MYCBPAP: variants seen among roughly 807,000 people sequenced by gnomAD.
The protein encoded by MYCBPAP is MYCBP-associated protein.
In MYCBPAP, 60 loss-of-function variants were observed where a neutral mutation model predicts 106.1. The ratio of observed to expected loss-of-function variants is 0.57; its 90% CI spans 0.46 to 0.70. The LOEUF (loss-of-function observed/expected upper bound fraction) is 0.70, where lower values mean the gene tolerates loss of function less well. Ranked by LOEUF, MYCBPAP falls within the 30% of genes least tolerant of loss-of-function variation. The pLI is 0.00. For synonymous variants in MYCBPAP, 407 were observed against 440.6 expected, an observed-to-expected ratio of 0.92 and a Z score of 0.95; for missense variants, 1,064 against 1,169.3, an observed-to-expected ratio of 0.91 and a Z score of 1.31.
Position 50,526,077 on chromosome 17 carries a change from C to G in MYCBPAP, c.1979C>G (p.Pro660Arg). Residue 660 changes from proline to arginine, a missense_variant, in exon 14 of 19, where the codon CCT becomes CGT. Pro to Arg is a moderately radical substitution (Grantham distance 103). Transcript: ENST00000323776. The stretch of plus-strand genomic sequence containing the variant: ...ATCTCCGAAACTCAAGTGCCCCGGC[C>G]TGAGAACGAGGCCCTCAGGGAATCC... ...SPISETQVPR[P>R]ENEALRESGS... 2 of 1,613,962 alleles carry G rather than the reference C, an allele frequency of 1.2e-6. No homozygotes were observed. The highest frequency in any genetic ancestry group is 1.7e-6 in the Non-Finnish European group (2 of 1,180,034).
intron 2 of MYCBPAP, among the ~76,000 whole-genome samples, chr17:50,516,998 G>A (rs1207107203): frequency 6.6e-6 from 1 of 152,224 alleles, no homozygotes; most frequent in African/African-American, 2.4e-5. Flanking sequence ...AAGGAGCCAA[G>A]GTACAGCTCT....
In MYCBPAP at chr17:50,526,142, C is replaced by T. The variant is rs9890721; in HGVS notation, c.2044C>T (p.Arg682Trp). The T allele has an allele frequency of 0.53, 859,868 of 1,613,418 alleles. 235,880 individuals are homozygous for T. Among genetic ancestry groups the T allele is most frequent in the East Asian group, 0.85 (38,047 of 44,826 alleles). The stretch of plus-strand genomic sequence containing the variant: ...CAGAGTGGGGACCAAGAGTCCTCAG[C>T]GGAAGAGCATCATGGAGGAGATCCT... ...KARVGTKSPQ[R>W]KSIMEEILVE... The change falls in exon 14 of 19, where the codon CGG (arginine) becomes TGG (tryptophan). Residue 682 changes from arginine (R) to tryptophan (W), a missense_variant. Arg to Trp is a moderately radical substitution (Grantham distance 101). Transcript: ENST00000323776.
chr17:50,523,296 C>G (rs1296304966), intron 11 of MYCBPAP, among the ~76,000 whole-genome samples, 168 bp downstream of exon 11: 1 of 152,156 alleles, frequency 6.6e-6, no homozygotes, highest in Admixed American at 6.5e-5. Context: ...CTACTCATGT[C>G]TGTTGAGAGA....
At chr17:50,508,888 G>C (rs955221365) in intron 1 of MYCBPAP, 138 bp downstream of exon 1, 1 of 839,460 alleles carries the variant, frequency 1.2e-6, no homozygotes, top group East Asian at 2.6e-5. Context: ...GGGGTACTGG[G>C]CATAGGACCC....
chr17:50,521,426 A>G lies in MYCBPAP; in HGVS notation c.1143A>G (p.Ala381=). 1 of 1,585,788 alleles carries G rather than the reference A, an allele frequency of 6.3e-7. No individual in the cohort carries two copies. The highest frequency in any genetic ancestry group is 8.6e-7 in the Non-Finnish European group (1 of 1,163,042). The change falls in exon 9 of 19, where the codon GCA becomes GCG. Residue 381 remains alanine, a synonymous_variant. Transcript: ENST00000323776. ...RSQGSSSEDT[A]YLGTLASSSD... Reference sequence around the variant, plus strand: ...AGGGAAGCTCCTCTGAAGACACAGCATACTTGTGAGTGCAGCCTGAACCCT... The same window carrying G: ...AGGGAAGCTCCTCTGAAGACACAGCGTACTTGTGAGTGCAGCCTGAACCCT...
At chr17:50,518,888 G>C in intron 5 of MYCBPAP, 86 bp from the exon 6 acceptor site, 3 of 1,467,738 alleles carry the variant, frequency 2.0e-6, no homozygotes, top group Non-Finnish European at 2.9e-6. Flanking sequence ...AATCAGCCCT[G>C]TGAGGGAGGC....
intron 4 of MYCBPAP, 36 bp downstream of exon 4, chr17:50,517,734 C>T (rs1233842803): frequency 1.3e-6 from 2 of 1,573,994 alleles, no homozygotes; most frequent in South Asian, 2.2e-5. Flanking sequence ...TGAGAGCAGT[C>T]ACTGAAGTCA....
rs144231508 is a variant in MYCBPAP, at chr17:50,517,345, A to T, written c.257A>T (p.Lys86Ile). Residue 86 changes from lysine to isoleucine, a missense_variant, in exon 3 of 19, where the codon AAA (lysine) becomes ATA (isoleucine). Physicochemically the swap from Lys to Ile is moderately radical, Grantham distance 102. Transcript: ENST00000323776. ...GAAGATAAACGTGTCATCACCCAGAAATTTATCATCCGTAAACTCAAACCC... is the reference window on the plus strand; with the variant it reads ...GAAGATAAACGTGTCATCACCCAGATATTTATCATCCGTAAACTCAAACCC... ...EKEDKRVITQ[K>I]FIIRKLKPMD... 3.0e-5 allele frequency: 48 copies of T among 1,614,010 alleles called. No homozygotes were observed. The African/African-American group carries it at 5.7e-4, about 19-fold the overall frequency.
At chr17:50,510,031 G>C (rs558466197) in intron 1 of MYCBPAP, 3 of 152,298 alleles carry the variant, frequency 2.0e-5, no homozygotes, top group African/African-American at 7.2e-5. Context: ...ACCAGAAGAG[G>C]CTGCACAGGT....
In MYCBPAP at chr17:50,521,508, C is replaced by A. The variant is rs1201252100; in HGVS notation, c.1148+77C>A. On this transcript the variant is annotated intron_variant, in intron 9 of 18. Transcript: ENST00000323776. ...TACCAGTATTAAAGAGCGGGCTTCCCTCCCTGAGATCAGGGTGCCTCTAGC... is the reference window on the plus strand; with the variant it reads ...TACCAGTATTAAAGAGCGGGCTTCCATCCCTGAGATCAGGGTGCCTCTAGC... 3.5e-6 allele frequency: 4 copies of A among 1,139,528 alleles called. No homozygotes were observed. The African/African-American group carries it at 6.2e-5, about 18-fold the overall frequency. 70.6% of individuals were successfully genotyped at this position (1,139,528 alleles called of 1,614,324 possible).
chr17:50,512,392 C>A (rs145148006), intron 1 of MYCBPAP, among the ~76,000 whole-genome samples: 1 of 152,174 alleles, frequency 6.6e-6, no homozygotes, highest in Non-Finnish European at 1.5e-5. Flanking sequence ...CACTCACGTG[C>A]CATGCTCAGC....
At chr17:50,528,407 C>T in intron 16 of MYCBPAP, 137 bp downstream of exon 16, 1 of 838,400 alleles carries the variant, frequency 1.2e-6, no homozygotes, top group South Asian at 1.7e-5. Flanking sequence ...AGGCCCCTTA[C>T]CCCTTTCTGT....
At chr17:50,531,285 C>T (rs1164565901) in intron 18 of MYCBPAP, 42 bp from the exon 19 acceptor site, 3 of 1,415,518 alleles carry the variant, frequency 2.1e-6, no homozygotes, top group East Asian at 4.7e-5. Flanking sequence ...AGGTGCTTCC[C>T]ACAGAGTAAA....
At chr17:50,525,659 C>CTCTCT (rs57947501) in intron 13 of MYCBPAP, among the ~76,000 whole-genome samples, 9 of 131,398 alleles carry the variant, frequency 6.8e-5, no homozygotes, top group African/African-American at 2.0e-4. Context: ...GCTAATTTCT[C>CTCTCT]TTTTTTTTTT....
Position 50,526,068 on chromosome 17 carries a change from TGCCCCG to T in MYCBPAP, c.1974_1979del (p.Arg659_Pro660del), listed in dbSNP as rs1339813371. 2 of 1,613,774 alleles carry T rather than the reference TGCCCCG, an allele frequency of 1.2e-6. No individual in the cohort carries two copies. Among genetic ancestry groups the T allele is most frequent in the African/African-American group, 2.7e-5 (2 of 74,918 alleles). ...AGGAGCCCCATCTCCGAAACTCAAG[TGCCCCG>T]GCCTGAGAACGAGGCCCTCAGGGAA... On this transcript the variant is annotated inframe_deletion, in exon 14 of 19. Coordinates refer to ENST00000323776, the MANE Select transcript of MYCBPAP (RefSeq NM_032133.6).
At chr17:50,515,102 C>T (rs892240777) in intron 1 of MYCBPAP, among the ~76,000 whole-genome samples, 2 of 152,136 alleles carry the variant, frequency 1.3e-5, no homozygotes, top group Admixed American at 1.3e-4. Context: ...TGCCACTATG[C>T]CTCTTTATGT....
rs373802895 is a variant in MYCBPAP, at chr17:50,528,177, A to G, written c.2314A>G (p.Ile772Val). The stretch of plus-strand genomic sequence containing the variant: ...TAGTTTGCAGCTGTGGCGAGATGTG[A>G]TTGACAGCCTGGTGGGCCATTCCAT... ...QMCLQLWRDV[I>V]DSLVGHSMWL... is the part of the protein sequence containing the mutation. Residue 772 changes from isoleucine (I) to valine (V), a missense_variant, in exon 16 of 19, where the codon ATT (isoleucine) becomes GTT (valine). Transcript: ENST00000323776. The G allele has an allele frequency of 6.2e-7, 1 of 1,613,992 alleles. No homozygotes were observed. The highest frequency in any genetic ancestry group is 1.3e-5 in the African/African-American group (1 of 74,912).
chr17:50,512,310 T>G (rs1003835480), intron 1 of MYCBPAP, among the ~76,000 whole-genome samples: 12 of 152,216 alleles, frequency 7.9e-5, no homozygotes, highest in Middle Eastern at 3.4e-3. Flanking sequence ...TGCCTCGGCC[T>G]CCCAAAGTGC....
chr17:50,513,136 T>G (rs1162972845), intron 1 of MYCBPAP, among the ~76,000 whole-genome samples: 1 of 146,534 alleles, frequency 6.8e-6, no homozygotes, highest in Non-Finnish European at 1.5e-5. Context: ...GAGAATCGCT[T>G]GAACCTGGGA....
Sources: allele counts gnomAD v4.1 joint callset (sites outside exome capture counted in the v4.1 genomes callset), GRCh38; gene constraint gnomAD v4.1.1; transcripts MANE v1.5; gene names NCBI Gene and HGNC (gene_info 2026-07-23, HGNC 2026-07-21).